The following PIEZO2 variants were observed in gnomAD, a reference collection of about 807,000 sequenced individuals.
PIEZO2 encodes the protein piezo-type mechanosensitive ion channel component 2.
A neutral mutation model predicts 337.3 loss-of-function variants in PIEZO2; 172 were observed. That is an observed-to-expected ratio of 0.51 (90% confidence interval 0.45 to 0.58). The LOEUF is 0.58. PIEZO2 is among the 20% of genes least tolerant of loss of function. The probability of loss-of-function intolerance (pLI) is 0.00; values close to 1 mark genes in which losing one functional copy is unlikely to be tolerated. For missense variants in PIEZO2, 3,028 were observed against 3,391.3 expected (o/e 0.89, Z 2.66); for synonymous variants, 1,251 against 1,228.5 (o/e 1.02, Z -0.38).
At chr18:10,809,260 CTTTTTTTTTTTTTTTT>C (rs869210659) in intron 7 of PIEZO2, among the ~76,000 whole-genome samples, 2 of 65,804 alleles carry the variant, frequency 3.0e-5, no homozygotes, top group African/African-American at 1.2e-4. Flanking sequence ...CTCTCTCTCT[CTTTTTTTTTTTTTTTT>C]TTTTTTTTTT....
rs1466343084 is a variant in PIEZO2 at position 10,863,659 on chromosome 18, C to T, written c.493-6448G>A. ...TGACTTCATAGGTCTGGGAACTATT[C>T]TGACCCTGCACTTGAACTTTTTTAA... On this transcript the variant is annotated intron_variant, in intron 5 of 55. Coordinates refer to ENST00000674853, the MANE Select transcript of PIEZO2 (RefSeq NM_001378183.1). The surrounding 1 kb of genome is among the most constrained non-coding windows in gnomAD (Gnocchi z 4.3). Among the ~76,000 whole-genome samples, 2 of 152,166 alleles carry T rather than the reference C, an allele frequency of 1.3e-5. No homozygotes were observed. Among genetic ancestry groups the T allele is most frequent in the African/African-American group, 4.8e-5 (2 of 41,422 alleles).
rs766040628 is a variant in PIEZO2 at position 10,678,614 on chromosome 18, AAAGAGCT to A, written c.7953-746_7953-740del. Among the ~76,000 whole-genome samples the A allele has an allele frequency of 6.5e-4, 99 of 152,316 alleles. 1 individual carries two copies. The highest frequency in any genetic ancestry group is 6.5e-3 in the Admixed American group (99 of 15,304). On this transcript the variant is annotated intron_variant, in intron 52 of 55. Coordinates refer to ENST00000674853, the MANE Select transcript of PIEZO2 (RefSeq NM_001378183.1). ...GGTTCTAAGTCTCAAAACTGTGATG[AAAGAGCT>A]AAGTTAATCAACTAGTGTATTATGT...
At position 10,872,747 on chromosome 18, in the gene PIEZO2, T is replaced by TC. The variant is rs1296017441; in HGVS notation, c.330-1333dup. On this transcript the variant is annotated intron_variant, in intron 4 of 55. Coordinates refer to ENST00000674853, the MANE Select transcript of PIEZO2 (RefSeq NM_001378183.1). This position sits in a 1 kb window ranked among gnomAD's most constrained non-coding sequence, Gnocchi z 4.3. ...GAGCGATTCCCGGCATGTTCTCTGC[T>TC]CACTCATATAATATAAAATAAGCTG... 1.3e-5 allele frequency among the ~76,000 whole-genome samples: 2 copies of TC among 152,194 alleles called. No homozygotes were observed. The highest frequency in any genetic ancestry group is 4.8e-5 in the African/African-American group (2 of 41,456).
chr18:10,834,435 T>C lies in PIEZO2; in HGVS notation c.917+20918A>G, dbSNP rs1200226408. 6.6e-6 allele frequency among the ~76,000 whole-genome samples: 1 copy of C among 152,186 alleles called. No homozygotes were observed. Among genetic ancestry groups the C allele is most frequent in the Non-Finnish European group, 1.5e-5 (1 of 68,034 alleles). ...TATGTGCTCAATACACCTTAACTAT[T>C]ACAACTATGATATTATCACTATTAG... On this transcript the variant is annotated intron_variant, in intron 7 of 55. Coordinates refer to ENST00000674853, the MANE Select transcript of PIEZO2 (RefSeq NM_001378183.1). This position sits in a 1 kb window ranked among gnomAD's most constrained non-coding sequence, Gnocchi z 4.5.
chr18:11,073,213 C>T (rs2038410777), intron 1 of PIEZO2, among the ~76,000 whole-genome samples: 1 of 152,280 alleles, frequency 6.6e-6, no homozygotes, highest in East Asian at 1.9e-4. Flanking sequence ...TGGGCAGGCT[C>T]TAAAACCACC....
At chr18:11,137,868 G>A (rs1372564763) in intron 1 of PIEZO2, among the ~76,000 whole-genome samples, 1 of 152,192 alleles carries the variant, frequency 6.6e-6, no homozygotes, top group Non-Finnish European at 1.5e-5. Flanking sequence ...TGTGGTTCCA[G>A]GAGAGCTAAA....
chr18:11,026,163 T>C (rs978131761), intron 2 of PIEZO2, among the ~76,000 whole-genome samples: 2 of 152,194 alleles, frequency 1.3e-5, no homozygotes, highest in African/African-American at 2.4e-5. Context: ...CCGCTGTCAA[T>C]AGTCATGGTC....
intron 7 of PIEZO2, among the ~76,000 whole-genome samples, chr18:10,835,170 GAGA>G (rs2040968832): frequency 1.3e-5 from 2 of 152,276 alleles, no homozygotes; most frequent in South Asian, 4.1e-4. Flanking sequence ...CCAGAATTAT[GAGA>G]AATAAATGTT....
At chr18:10,810,424 C>T (rs2040152987) in intron 7 of PIEZO2, among the ~76,000 whole-genome samples, 1 of 152,052 alleles carries the variant, frequency 6.6e-6, no homozygotes, top group Admixed American at 6.6e-5. Flanking sequence ...GGGCAGTCTC[C>T]CTACCTCTAA....
chr18:10,702,241 G>A, intron 42 of PIEZO2, 70 bp from the exon 43 acceptor site: 2 of 1,394,550 alleles, frequency 1.4e-6, no homozygotes, highest in South Asian at 1.4e-5. Flanking sequence ...ATATGGGAAA[G>A]AGCAATATAA....
chr18:10,763,176 A>C, intron 21 of PIEZO2, 78 bp from the exon 22 acceptor site: 1 of 1,421,270 alleles, frequency 7.0e-7, no homozygotes, highest in Non-Finnish European at 9.5e-7. Context: ...AAACAGGATG[A>C]CTTGATTTAC....
chr18:10,670,858 T>C lies in PIEZO2; in HGVS notation c.*669A>G, dbSNP rs1567930450. The C allele has an allele frequency of 1.3e-5, 2 of 152,592 alleles. No homozygotes were observed. The highest frequency in any genetic ancestry group is 2.9e-5 in the Non-Finnish European group (2 of 68,068). 9.5% of individuals were successfully genotyped at this position (152,592 alleles called of 1,614,324 possible). On this transcript the variant is annotated 3_prime_UTR_variant, in exon 56 of 56. Coordinates refer to ENST00000674853, the MANE Select transcript of PIEZO2 (RefSeq NM_001378183.1). ...CACATCATTTGTTTTGCTCCTTTTT[T>C]TTTTTTTTCCTGAGAAGTCACTGGT...
chr18:10,753,083 G>GCTTCTC (rs931637778), intron 27 of PIEZO2, among the ~76,000 whole-genome samples: 1 of 152,196 alleles, frequency 6.6e-6, no homozygotes, highest in African/African-American at 2.4e-5. Flanking sequence ...AACCGTGTAT[G>GCTTCTC]CTTCTCGTCA....
chr18:10,754,054 T>C (rs1349891624), intron 27 of PIEZO2, among the ~76,000 whole-genome samples: 1 of 152,162 alleles, frequency 6.6e-6, no homozygotes, highest in Non-Finnish European at 1.5e-5. Flanking sequence ...TGCCTGTGAG[T>C]GCAGCTTATT....
chr18:10,681,677 G>A lies in PIEZO2; in HGVS notation c.7763C>T (p.Ala2588Val), dbSNP rs749859138. ...DQQSFNKFIQ[A>V]FSRDTGAMQF... is the part of the protein sequence containing the mutation. Reference sequence around the variant, plus strand: ...TTTACTTACGGTGTCCCTAGAAAAAGCTTGTATAAATTTGTTAAAGCTCTG... The same window carrying A: ...TTTACTTACGGTGTCCCTAGAAAAAACTTGTATAAATTTGTTAAAGCTCTG... The change falls in exon 51 of 56, where the codon GCT (alanine) becomes GTT (valine). Residue 2588 changes from alanine to valine, a missense_variant. By Grantham distance (64) the Ala-to-Val change is moderately conservative. Coordinates refer to ENST00000674853, the MANE Select transcript of PIEZO2 (RefSeq NM_001378183.1). 62 of 1,599,938 alleles carry A rather than the reference G, an allele frequency of 3.9e-5. No individual in the cohort carries two copies. The highest frequency in any genetic ancestry group is 5.1e-5 in the Non-Finnish European group (59 of 1,167,372).
In PIEZO2 at chr18:10,855,233, G is replaced by T; in HGVS notation, c.917+120C>A. The T allele has an allele frequency of 1.2e-6, 1 of 868,896 alleles. No homozygotes were observed. Among genetic ancestry groups the T allele is most frequent in the Non-Finnish European group, 1.8e-6 (1 of 565,114 alleles). 53.8% of individuals were successfully genotyped at this position (868,896 alleles called of 1,614,324 possible). A position where few individuals can be genotyped will look rare whatever the true frequency, so the allele number is the denominator to read the frequency against. On this transcript the variant is annotated intron_variant, in intron 7 of 55. Coordinates refer to ENST00000674853, the MANE Select transcript of PIEZO2 (RefSeq NM_001378183.1). The surrounding 1 kb of genome is among the most constrained non-coding windows in gnomAD (Gnocchi z 4.9). ...CTTCACCCACCCCCACAAAATCTTT[G>T]CTTAACACAGCAATTGCCTGCCATC...
intron 47 of PIEZO2, among the ~76,000 whole-genome samples, 162 bp downstream of exon 47, chr18:10,695,912 T>C (rs1297318598): frequency 1.3e-5 from 2 of 152,240 alleles, no homozygotes; most frequent in Admixed American, 1.3e-4. Context: ...TGGATTTGCG[T>C]TGACTATTGA....
At chr18:11,024,660 G>A (rs2036465120) in intron 2 of PIEZO2, among the ~76,000 whole-genome samples, 2 of 151,914 alleles carry the variant, frequency 1.3e-5, no homozygotes, top group East Asian at 1.9e-4. Flanking sequence ...GTTTTTTTGA[G>A]ACGGAGTTTC....
chr18:10,730,519 G>A (rs959144357), intron 36 of PIEZO2, among the ~76,000 whole-genome samples: 3 of 151,728 alleles, frequency 2.0e-5, no homozygotes, highest in African/African-American at 7.3e-5. Flanking sequence ...TTGCTCCTGA[G>A]TGAATCACCT....
Sources: allele counts gnomAD v4.1 joint callset (sites outside exome capture counted in the v4.1 genomes callset), GRCh38; gene constraint gnomAD v4.1.1; non-coding constraint Gnocchi (gnomAD v3.1); transcripts MANE v1.5; gene names NCBI Gene and HGNC (gene_info 2026-07-23, HGNC 2026-07-21).